CSGALNACT2: variants seen among roughly 807,000 people sequenced by gnomAD.
The protein encoded by CSGALNACT2 is beta 4 GalNAcT-2.
Under a neutral mutation model 55.3 loss-of-function variants are expected in CSGALNACT2, and 35 were observed. The observed-to-expected ratio is 0.63, with a 90% CI of 0.48 to 0.84. The LOEUF is 0.84. CSGALNACT2 is among the 40% of genes least tolerant of loss of function. The probability of loss-of-function intolerance (pLI) is 0.00; values close to 1 mark genes in which losing one functional copy is unlikely to be tolerated. For missense variants in CSGALNACT2, 544 were observed against 657.5 expected (o/e 0.83, Z 1.89); for synonymous variants, 196 against 224.9 (o/e 0.87, Z 1.15).
chr10:43,182,807 C>A (rs1273313922), intron 7 of CSGALNACT2, among the ~76,000 whole-genome samples: 1 of 148,892 alleles, frequency 6.7e-6, no homozygotes, highest in East Asian at 2.0e-4. Context: ...CCACGGAGGT[C>A]GATGCTGCAG....
chr10:43,160,392 C>T, intron 3 of CSGALNACT2, 102 bp from the exon 4 acceptor site: 1 of 654,168 alleles, frequency 1.5e-6, no homozygotes, highest in South Asian at 1.8e-5. Flanking sequence ...ACTACTGTGT[C>T]AGTAATGCCT....
At chr10:43,141,682 A>C (rs2133085688) in intron 1 of CSGALNACT2, among the ~76,000 whole-genome samples, 1 of 151,530 alleles carries the variant, frequency 6.6e-6, no homozygotes, top group African/African-American at 2.4e-5. Flanking sequence ...ATGACATGCA[A>C]AGTAGATCTA....
chr10:43,152,975 G>A (rs941207244), intron 1 of CSGALNACT2, among the ~76,000 whole-genome samples: 1 of 152,092 alleles, frequency 6.6e-6, no homozygotes, highest in Non-Finnish European at 1.5e-5. Flanking sequence ...TGATTAGATG[G>A]TATTTCTTAA....
chr10:43,173,779 G>C (rs969331467), intron 6 of CSGALNACT2, among the ~76,000 whole-genome samples: 17 of 152,052 alleles, frequency 1.1e-4, no homozygotes, highest in African/African-American at 3.9e-4. Flanking sequence ...GATCACCAGA[G>C]GTCAAGAGTT....
intron 1 of CSGALNACT2, among the ~76,000 whole-genome samples, chr10:43,148,870 A>G (rs763193568): frequency 4.6e-5 from 7 of 152,146 alleles, no homozygotes; most frequent in Non-Finnish European, 7.4e-5. Context: ...GATGCCTTTT[A>G]TTTCATTTTC....
At chr10:43,142,840 A>G (rs1172328682) in intron 1 of CSGALNACT2, among the ~76,000 whole-genome samples, 1 of 152,246 alleles carries the variant, frequency 6.6e-6, no homozygotes, top group African/African-American at 2.4e-5. Context: ...GGGAAAAATT[A>G]CTTTTATTAG....
intron 4 of CSGALNACT2, chr10:43,163,066 T>C: frequency 1.0e-6 from 1 of 985,278 alleles, no homozygotes. Context: ...GTCTGATCCC[T>C]TTTCTCTAAA....
At chr10:43,165,142 G>A (rs376733942) in intron 5 of CSGALNACT2, among the ~76,000 whole-genome samples, 63 of 152,098 alleles carry the variant, frequency 4.1e-4, no homozygotes, top group South Asian at 1.9e-3. Context: ...GGAGAATGGC[G>A]TGAGCCCAGG....
intron 1 of CSGALNACT2, among the ~76,000 whole-genome samples, chr10:43,140,185 G>GA (rs200255120): frequency 3.0e-4 from 44 of 147,154 alleles, no homozygotes; most frequent in East Asian, 2.0e-3. Context: ...AAAAAGAAAA[G>GA]AAAAAAAAAA....
intron 1 of CSGALNACT2, among the ~76,000 whole-genome samples, chr10:43,140,741 A>G (rs1838603102): frequency 6.6e-6 from 1 of 152,268 alleles, no homozygotes; most frequent in Non-Finnish European, 1.5e-5. Flanking sequence ...ATGCTACACA[A>G]GCACTAGGTA....
At chr10:43,146,568 C>G (rs1838752683) in intron 1 of CSGALNACT2, among the ~76,000 whole-genome samples, 1 of 152,118 alleles carries the variant, frequency 6.6e-6, no homozygotes, top group Non-Finnish European at 1.5e-5. Context: ...AGTTGACACT[C>G]AATATTAGCC....
intron 6 of CSGALNACT2, among the ~76,000 whole-genome samples, chr10:43,171,604 G>A (rs1478785563): frequency 6.6e-6 from 1 of 152,178 alleles, no homozygotes; most frequent in Non-Finnish European, 1.5e-5. Context: ...GCTGGCCTCA[G>A]CCTCCCAAAG....
chr10:43,184,295 A>G lies in CSGALNACT2; in HGVS notation c.*753A>G, dbSNP rs1484888655. ...AAGAACACGGAAACATTTTTAACAGAGCATTTAATTATGTTGGAATACAGG... is the reference window on the plus strand; with the variant it reads ...AAGAACACGGAAACATTTTTAACAGGGCATTTAATTATGTTGGAATACAGG... On this transcript the variant is annotated 3_prime_UTR_variant, in exon 8 of 8. Transcript: ENST00000374466. The G allele has an allele frequency of 2.0e-5, 3 of 152,220 alleles. No individual in the cohort carries two copies. The highest frequency in any genetic ancestry group is 7.2e-5 in the African/African-American group (3 of 41,434). The allele number at this position is 152,220 out of a possible 1,614,324, so 9.4% of individuals were successfully genotyped here.
chr10:43,149,089 G>A (rs1838820828), intron 1 of CSGALNACT2, among the ~76,000 whole-genome samples: 2 of 151,958 alleles, frequency 1.3e-5, no homozygotes, highest in South Asian at 4.2e-4. Context: ...GTTTGGTTTG[G>A]TTTGGTTTTT....
At chr10:43,171,950 G>A (rs2503863) in intron 6 of CSGALNACT2, among the ~76,000 whole-genome samples, 127,809 of 152,228 alleles carry the variant, frequency 0.84, 54,310 homozygotes, top group African/African-American at 0.95. Context: ...GAATAATTTA[G>A]AACAGCAGTA....
At chr10:43,163,421 G>T (rs1246238339) in intron 4 of CSGALNACT2, 1 of 711,282 alleles carries the variant, frequency 1.4e-6, no homozygotes, top group Non-Finnish European at 1.7e-6. Flanking sequence ...AGGAGTGGGA[G>T]GTGGCAGCTG....
chr10:43,159,403 A>C (rs1000078382), intron 3 of CSGALNACT2, among the ~76,000 whole-genome samples: 1 of 151,688 alleles, frequency 6.6e-6, no homozygotes, highest in Non-Finnish European at 1.5e-5. Context: ...GGCTCAAGTG[A>C]TCCTCCTGCC....
rs1838992183 is a variant in CSGALNACT2, at chr10:43,155,742, A to G, written c.593A>G (p.Asp198Gly). 6.2e-7 allele frequency: 1 copy of G among 1,614,062 alleles called. No homozygotes were observed. Reference sequence around the variant, plus strand: ...GTCATTAATAATCCTGATGAAGATGATGAACAAGAAGATGAGGAGGGTCCC... The same window carrying G: ...GTCATTAATAATCCTGATGAAGATGGTGAACAAGAAGATGAGGAGGGTCCC... ...LEVINNPDED[D>G]EQEDEEGPLG... Residue 198 changes from aspartate (D) to glycine (G), a missense_variant, in exon 2 of 8, where the codon GAT becomes GGT. Physicochemically the swap from Asp to Gly is moderately conservative, Grantham distance 94. Coordinates refer to ENST00000374466, the MANE Select transcript of CSGALNACT2 (RefSeq NM_018590.5).
At chr10:43,174,020 C>A (rs777861208) in intron 6 of CSGALNACT2, among the ~76,000 whole-genome samples, 2 of 151,960 alleles carry the variant, frequency 1.3e-5, no homozygotes, top group African/African-American at 2.4e-5. Flanking sequence ...AGAGTCTAGT[C>A]TTCATTTTGC....
Sources: allele counts gnomAD v4.1 joint callset (sites outside exome capture counted in the v4.1 genomes callset), GRCh38; gene constraint gnomAD v4.1.1; transcripts MANE v1.5; gene names NCBI Gene and HGNC (gene_info 2026-07-23, HGNC 2026-07-21).